Variants in CEP55 observed in about 807,000 individuals in gnomAD.
CEP55 encodes centrosomal protein 55.
CEP55 carries 57 observed loss-of-function variants against 63.2 expected under a neutral mutation model. The observed-to-expected ratio is 0.90, with a 90% CI of 0.73 to 1.13. The LOEUF is 1.13. Ranked by LOEUF, CEP55 falls within the 50% of genes most tolerant of loss-of-function variation. CEP55 has a pLI of 0.00. For missense variants in CEP55, 456 were observed against 518.9 expected (o/e 0.88, Z 1.18); for synonymous variants, 178 against 191.6 (o/e 0.93, Z 0.59).
chr10:93,513,461 CG>C (rs956255525), intron 4 of CEP55, among the ~76,000 whole-genome samples: 2 of 152,118 alleles, frequency 1.3e-5, no homozygotes, highest in African/African-American at 2.4e-5. Flanking sequence ...AAATTCTTAC[CG>C]GAAAGCAGTT....
At chr10:93,497,389 C>CT (rs1474189965) in intron 1 of CEP55, among the ~76,000 whole-genome samples, 1 of 152,194 alleles carries the variant, frequency 6.6e-6, no homozygotes, top group African/African-American at 2.4e-5. Context: ...CCTCAGCCTC[C>CT]TGAATAGCTG....
At chr10:93,502,870 G>A (rs2057647941) in intron 2 of CEP55, among the ~76,000 whole-genome samples, 1 of 152,154 alleles carries the variant, frequency 6.6e-6, no homozygotes, top group South Asian at 2.1e-4. Context: ...CTTTCTTTGT[G>A]TCTGTGCTCA....
chr10:93,517,758 G>C (rs2057819360), intron 6 of CEP55, among the ~76,000 whole-genome samples: 1 of 152,220 alleles, frequency 6.6e-6, no homozygotes, highest in Non-Finnish European at 1.5e-5. Context: ...TAATGTTGGA[G>C]TTACTACGTT....
intron 4 of CEP55, among the ~76,000 whole-genome samples, chr10:93,514,399 T>C (rs534502594): frequency 6.6e-6 from 1 of 152,098 alleles, no homozygotes; most frequent in African/African-American, 2.4e-5. Flanking sequence ...AGGATGAAAG[T>C]TGGTAGTAAA....
chr10:93,517,267 A>T lies in CEP55; in HGVS notation c.993+19A>T, dbSNP rs1319703958. ...ATCTCAGGTAAACTTAACCAGATCC[A>T]TAATTCAGAGTGTTCACCGAACACT... On this transcript the variant is annotated intron_variant, in intron 6 of 8. Transcript: ENST00000371485. 4 of 1,562,180 alleles carry T rather than the reference A, an allele frequency of 2.6e-6. No individual in the cohort carries two copies. The highest frequency in any genetic ancestry group is 3.5e-6 in the Non-Finnish European group (4 of 1,154,102).
chr10:93,514,311 G>GT (rs758973660), intron 4 of CEP55, among the ~76,000 whole-genome samples: 3 of 152,290 alleles, frequency 2.0e-5, no homozygotes, highest in Admixed American at 1.3e-4. Flanking sequence ...TCAACTCACT[G>GT]TAAGTATGAA....
intron 7 of CEP55, 111 bp downstream of exon 7, chr10:93,519,059 T>C: frequency 1.3e-6 from 1 of 752,490 alleles, no homozygotes. Flanking sequence ...AAAAGTGTCT[T>C]TAAAAGACTT....
Position 93,509,861 on chromosome 10 carries a change from A to C in CEP55, c.528+2805A>C, listed in dbSNP as rs374554642. Among the ~76,000 whole-genome samples, 75 of 152,266 alleles carry C rather than the reference A, an allele frequency of 4.9e-4. 2 individuals carry two copies. In the East Asian group the frequency reaches 0.013, roughly 27 times the overall value. On this transcript the variant is annotated intron_variant, in intron 4 of 8. Coordinates refer to ENST00000371485, the MANE Select transcript of CEP55 (RefSeq NM_018131.5). The stretch of plus-strand genomic sequence containing the variant: ...GGAATTTCAGCAAATCTTTGAGACC[A>C]GGGGGAAAATTGTAGTTGGAGGACT...
chr10:93,509,537 G>C (rs2057722396), intron 4 of CEP55, among the ~76,000 whole-genome samples: 1 of 151,934 alleles, frequency 6.6e-6, no homozygotes, highest in East Asian at 1.9e-4. Flanking sequence ...TCAGGTTGGA[G>C]TGCAGTGGCG....
At chr10:93,521,125 C>T (rs567696181) in intron 8 of CEP55, among the ~76,000 whole-genome samples, 1 of 152,036 alleles carries the variant, frequency 6.6e-6, no homozygotes, top group African/African-American at 2.4e-5. Context: ...GCGCACCGAG[C>T]GTGAACCGAA....
intron 4 of CEP55, among the ~76,000 whole-genome samples, chr10:93,508,802 C>A (rs923378853): frequency 3.3e-5 from 5 of 152,188 alleles, no homozygotes; most frequent in Non-Finnish European, 5.9e-5. Flanking sequence ...GCTGCCTGAC[C>A]ACTTTGTCTA....
Position 93,500,062 on chromosome 10 carries a change from G to A in CEP55, c.11G>A (p.Arg4Lys). Residue 4 changes from arginine to lysine, a missense_variant, in exon 2 of 9, where the codon AGA (arginine) becomes AAA (lysine). Physicochemically the swap from Arg to Lys is conservative, Grantham distance 26. Transcript: ENST00000371485. ...CAGACCATTTCAGAGATGTCTTCCA[G>A]AAGTACCAAAGATTTAATTAAAAGT... is the stretch of plus-strand genomic sequence containing the variant. MSS[R>K]STKDLIKSKW... is the part of the protein sequence containing the mutation. 6.2e-7 allele frequency: 1 copy of A among 1,603,882 alleles called. No homozygotes were observed.
At chr10:93,511,027 C>T (rs568397800) in intron 4 of CEP55, among the ~76,000 whole-genome samples, 1 of 151,388 alleles carries the variant, frequency 6.6e-6, no homozygotes, top group East Asian at 2.0e-4. Context: ...CAACCTCTGC[C>T]TCCCTGGTTC....
intron 3 of CEP55, among the ~76,000 whole-genome samples, chr10:93,506,223 C>T (rs1162667054): frequency 2.6e-5 from 4 of 151,954 alleles, no homozygotes; most frequent in African/African-American, 4.8e-5. Context: ...ATTATAGGCG[C>T]GAGCCACTGC....
intron 4 of CEP55, among the ~76,000 whole-genome samples, chr10:93,510,176 G>A (rs779304604): frequency 6.6e-6 from 1 of 152,182 alleles, no homozygotes; most frequent in Non-Finnish European, 1.5e-5. Context: ...ATTGTCAAAT[G>A]TCAGTACTTT....
At chr10:93,515,160 A>C (rs149195932) in intron 4 of CEP55, among the ~76,000 whole-genome samples, 1 of 152,362 alleles carries the variant, frequency 6.6e-6, no homozygotes, top group Admixed American at 6.5e-5. Flanking sequence ...AGAATGACAT[A>C]TACGCACACA....
rs2057810631 is a variant in CEP55, at chr10:93,517,039, C to G, written c.784C>G (p.Leu262Val). The G allele has an allele frequency of 1.9e-6, 3 of 1,613,766 alleles. No individual in the cohort carries two copies. The highest frequency in any genetic ancestry group is 1.3e-5 in the African/African-American group (1 of 74,896). Residue 262 changes from leucine (L) to valine (V), a missense_variant, in exon 6 of 9, where the codon CTG becomes GTG. Leu to Val is a conservative substitution (Grantham distance 32). Coordinates refer to ENST00000371485, the MANE Select transcript of CEP55 (RefSeq NM_018131.5). ...AACCATAACTCAGCTGAGTTTTGAA[C>G]TGAGTGAATTTCGAAGAAAATATGA... The part of the protein sequence containing the change: ...RQTITQLSFE[L>V]SEFRRKYEET...
intron 8 of CEP55, among the ~76,000 whole-genome samples, chr10:93,520,778 AC>A (rs2057852891): frequency 6.6e-6 from 1 of 152,210 alleles, no homozygotes; most frequent in African/African-American, 2.4e-5. Flanking sequence ...GGAAAAAAAA[AC>A]AATGATAAAA....
intron 4 of CEP55, among the ~76,000 whole-genome samples, chr10:93,511,448 C>G (rs1024137860): frequency 6.6e-6 from 1 of 152,088 alleles, no homozygotes; most frequent in Non-Finnish European, 1.5e-5. Context: ...TGATAGAAAG[C>G]CGATGCACAC....
Sources: allele counts gnomAD v4.1 joint callset (sites outside exome capture counted in the v4.1 genomes callset), GRCh38; gene constraint gnomAD v4.1.1; transcripts MANE v1.5; gene names NCBI Gene and HGNC (gene_info 2026-07-23, HGNC 2026-07-21).